TTC7B: variants seen among roughly 807,000 people sequenced by gnomAD.
The protein encoded by TTC7B is tetratricopeptide repeat domain 7B.
Under a neutral mutation model 106.8 loss-of-function variants are expected in TTC7B, and 28 were observed. That is an observed-to-expected ratio of 0.26 (90% CI 0.19 to 0.36). The LOEUF is 0.36. Among genes scored for constraint, TTC7B ranks in the 10% least tolerant of loss-of-function variants. The pLI is 1.00. For missense variants in TTC7B, 862 were observed against 1,076.4 expected (o/e 0.80, Z 2.79); for synonymous variants, 405 against 430.6 (o/e 0.94, Z 0.74).
Position 90,739,078 on chromosome 14 carries a change from T to C in TTC7B, c.576+5714A>G, listed in dbSNP as rs182510182. On this transcript the variant is annotated intron_variant, in intron 4 of 19. Transcript: ENST00000328459. ...AATATACAAAAATTAAAATAAGCAC[T>C]TGCTCTTGCCTGGTATCCAGACTCT... Among the ~76,000 whole-genome samples, 221 of 152,276 alleles carry C rather than the reference T, an allele frequency of 1.5e-3. 1 individual carries two copies. The highest frequency in any genetic ancestry group is 5.2e-3 in the African/African-American group (216 of 41,562).
intron 9 of TTC7B, 107 bp from the exon 10 acceptor site, chr14:90,658,494 T>C: frequency 3.7e-6 from 4 of 1,068,362 alleles, no homozygotes; most frequent in Non-Finnish European, 5.7e-6. Context: ...CCATAAAATC[T>C]GCTTCCCTTG....
intron 9 of TTC7B, among the ~76,000 whole-genome samples, chr14:90,673,743 G>A (rs1388585210): frequency 2.0e-5 from 3 of 152,122 alleles, no homozygotes; most frequent in Admixed American, 6.5e-5. Context: ...TCTGTACAAC[G>A]GAATACTATT....
chr14:90,659,213 T>TGTGTGTG (rs1566822930), intron 9 of TTC7B, among the ~76,000 whole-genome samples: 26 of 146,718 alleles, frequency 1.8e-4, no homozygotes, highest in African/African-American at 6.0e-4. Flanking sequence ...ACGAGTGTGA[T>TGTGTGTG]TGTGTGTGTG....
At chr14:90,554,144 T>C (rs931460333) in intron 19 of TTC7B, among the ~76,000 whole-genome samples, 9 of 152,242 alleles carry the variant, frequency 5.9e-5, no homozygotes, top group Non-Finnish European at 1.2e-4. Flanking sequence ...ATCCACAGAC[T>C]GTGGTGGCTT....
intron 16 of TTC7B, among the ~76,000 whole-genome samples, chr14:90,614,916 G>A (rs1482215239): frequency 6.6e-6 from 1 of 152,164 alleles, no homozygotes; most frequent in Admixed American, 6.5e-5. Context: ...GAGTGGCTGG[G>A]TCAATATGCA....
At chr14:90,635,797 A>G (rs866214198) in intron 15 of TTC7B, among the ~76,000 whole-genome samples, 3 of 150,078 alleles carry the variant, frequency 2.0e-5, no homozygotes, top group African/African-American at 4.9e-5. Flanking sequence ...TATAATAAGC[A>G]GAAGAGTACA....
rs1012156697 is a variant in TTC7B at position 90,808,323 on chromosome 14, C to A, written c.121+7852G>T. ...GAGAGAGAGAAAGACAGAGAGAGAC[C>A]CAAGAAATGCAGTTCATTCTTCTTC... On this transcript the variant is annotated intron_variant, in intron 1 of 19. Coordinates refer to ENST00000328459, the MANE Select transcript of TTC7B (RefSeq NM_001010854.2). The surrounding 1 kb of genome is among the most constrained non-coding windows in gnomAD (Gnocchi z 4.2). Among the ~76,000 whole-genome samples the A allele has an allele frequency of 2.0e-5, 3 of 152,076 alleles. No individual in the cohort carries two copies. Among genetic ancestry groups the A allele is most frequent in the Non-Finnish European group, 4.4e-5 (3 of 68,006 alleles).
chr14:90,666,723 T>A (rs1185310508), intron 9 of TTC7B, among the ~76,000 whole-genome samples: 1 of 152,172 alleles, frequency 6.6e-6, no homozygotes, highest in African/African-American at 2.4e-5. Context: ...AAAACAGCAA[T>A]ACTGCTCCAA....
intron 5 of TTC7B, among the ~76,000 whole-genome samples, chr14:90,711,015 A>T (rs1355630107): frequency 1.3e-5 from 2 of 152,234 alleles, no homozygotes; most frequent in Admixed American, 1.3e-4. Flanking sequence ...TCCTTCAAAA[A>T]TGAGGAAAAA....
chr14:90,737,037 G>A (rs1889561463), intron 4 of TTC7B, among the ~76,000 whole-genome samples: 1 of 150,356 alleles, frequency 6.7e-6, no homozygotes, highest in South Asian at 2.1e-4. Flanking sequence ...TAATTAAAAA[G>A]ATAATCAGAT....
intron 15 of TTC7B, among the ~76,000 whole-genome samples, chr14:90,637,308 T>C (rs759023728): frequency 6.6e-6 from 1 of 152,026 alleles, no homozygotes; most frequent in Non-Finnish European, 1.5e-5. Flanking sequence ...TTACAGCTTA[T>C]ACATTATACA....
chr14:90,779,025 C>T (rs962157784), intron 3 of TTC7B, among the ~76,000 whole-genome samples: 1 of 152,250 alleles, frequency 6.6e-6, no homozygotes, highest in African/African-American at 2.4e-5. Context: ...CACTCAATGG[C>T]CAGCTCATGA....
intron 3 of TTC7B, among the ~76,000 whole-genome samples, chr14:90,776,146 C>CACACACACAG (rs1418612982): frequency 8.9e-5 from 12 of 135,002 alleles, no homozygotes; most frequent in African/African-American, 3.0e-4. Flanking sequence ...CCGTGACACA[C>CACACACACAG]ACACACACAC....
intron 3 of TTC7B, among the ~76,000 whole-genome samples, chr14:90,763,632 A>G (rs1265868650): frequency 1.3e-5 from 2 of 152,204 alleles, no homozygotes; most frequent in Non-Finnish European, 2.9e-5. Context: ...CAAAAACAAT[A>G]TAATAGCTAA....
Position 90,525,544 on chromosome 14 carries a change from G to A in TTC7B, c.*15824C>T, listed in dbSNP as rs1305728984. On this transcript the variant is annotated 3_prime_UTR_variant, in exon 20 of 20. Transcript: ENST00000328459. ...CAGTCGCGTTCCCGGCTGCGTCTCCGGTCACCGAACGGGACGGCGGGATGG... is the reference window on the plus strand; with the variant it reads ...CAGTCGCGTTCCCGGCTGCGTCTCCAGTCACCGAACGGGACGGCGGGATGG... 1.3e-5 allele frequency: 2 copies of A among 151,268 alleles called. No homozygotes were observed. Among genetic ancestry groups the A allele is most frequent in the Non-Finnish European group, 2.9e-5 (2 of 67,882 alleles). 9.4% of individuals were successfully genotyped at this position (151,268 alleles called of 1,614,324 possible).
At chr14:90,587,867 C>T (rs774209916) in intron 18 of TTC7B, among the ~76,000 whole-genome samples, 9 of 152,140 alleles carry the variant, frequency 5.9e-5, no homozygotes, top group South Asian at 4.1e-4. Context: ...TCTTTAGCCA[C>T]GTAACCTTCG....
chr14:90,740,494 C>CTTTTT (rs71461924), intron 4 of TTC7B, among the ~76,000 whole-genome samples: 64 of 78,330 alleles, frequency 8.2e-4, no homozygotes, highest in Middle Eastern at 0.014. Context: ...AATTCTTTGA[C>CTTTTT]TTTTTTTTTT....
intron 3 of TTC7B, among the ~76,000 whole-genome samples, chr14:90,756,385 TTTTTTTTTTTTG>T (rs1890300129): frequency 6.8e-4 from 5 of 7,362 alleles, no homozygotes; most frequent in African/African-American, 1.1e-3. Context: ...TTTTTTTTTG[TTTTTTTTTTTTG>T]TTTTTTTGTT....
At chr14:90,788,023 G>C (rs898763979) in intron 1 of TTC7B, among the ~76,000 whole-genome samples, 27 of 152,178 alleles carry the variant, frequency 1.8e-4, no homozygotes, top group African/African-American at 6.3e-4. Flanking sequence ...AAACTAGCCA[G>C]GCATGGTGGT....
Sources: allele counts gnomAD v4.1 joint callset (sites outside exome capture counted in the v4.1 genomes callset), GRCh38; gene constraint gnomAD v4.1.1; non-coding constraint Gnocchi (gnomAD v3.1); transcripts MANE v1.5; gene names NCBI Gene and HGNC (gene_info 2026-07-23, HGNC 2026-07-21).